ZNF469: variants seen among roughly 807,000 people sequenced by gnomAD.
ZNF469 encodes the protein zinc finger protein 469.
In ZNF469, 1 loss-of-function variant was observed where a neutral mutation model predicts 1.0. That is an observed-to-expected ratio of 1.00 (90% CI 0.35 to 4.73). ZNF469 has a LOEUF of 4.73. Ranked by LOEUF, ZNF469 falls within the 30% of genes most tolerant of loss-of-function variation. ZNF469 has a pLI of 0.16. For synonymous variants in ZNF469, 2,703 were observed against 2,363.4 expected, an observed-to-expected ratio of 1.14 and a Z score of -4.17; for missense variants, 6,100 against 5,356.3, an observed-to-expected ratio of 1.14 and a Z score of -4.33.
intron 1 of ZNF469, among the ~76,000 whole-genome samples, chr16:88,386,875 T>C (rs894181890): frequency 1.6e-4 from 20 of 126,332 alleles, no homozygotes; most frequent in African/African-American, 7.4e-4. Flanking sequence ...TCAGGGCCTG[T>C]TTCTTTGGCC....
chr16:88,168,876 G>A, the ZNF469 span, among the ~76,000 whole-genome samples: 2 of 152,142 alleles, frequency 1.3e-5, no homozygotes, highest in Non-Finnish European at 2.9e-5. This position sits in a 1 kb window ranked among gnomAD's most constrained non-coding sequence, Gnocchi z 4.3. Flanking sequence ...CGTGAGGATC[G>A]CTTGAGCCTA....
the ZNF469 span, among the ~76,000 whole-genome samples, chr16:88,205,079 T>C: frequency 1.3e-5 from 2 of 152,130 alleles, no homozygotes; most frequent in South Asian, 2.1e-4. The surrounding 1 kb of genome is among the most constrained non-coding windows in gnomAD (Gnocchi z 4.2). Context: ...TTCTGTGAGG[T>C]GCCCCTACCA....
At chr16:88,255,683 G>A in the ZNF469 span, among the ~76,000 whole-genome samples, 144,750 of 152,324 alleles carry the variant, frequency 0.95, 69,204 homozygotes, top group East Asian at 1. Flanking sequence ...TCAACAGTCC[G>A]AGACAGGTTT....
chr16:88,312,521 T>C, the ZNF469 span, among the ~76,000 whole-genome samples: 3 of 152,264 alleles, frequency 2.0e-5, no homozygotes, highest in African/African-American at 7.2e-5. Context: ...TTGTGTTGGC[T>C]TTAAGACCCT....
chr16:88,376,700 A>G, the ZNF469 span, among the ~76,000 whole-genome samples: 117 of 152,368 alleles, frequency 7.7e-4, no homozygotes, highest in Non-Finnish European at 1.5e-3. Context: ...GCCCCAGCAC[A>G]TTCACTGGGT....
chr16:88,365,617 T>G, the ZNF469 span, among the ~76,000 whole-genome samples: 4 of 152,226 alleles, frequency 2.6e-5, no homozygotes, highest in Non-Finnish European at 1.5e-5. Flanking sequence ...AGCCAAGCAC[T>G]GCCTTTTCTC....
At chr16:88,340,984 G>A in the ZNF469 span, among the ~76,000 whole-genome samples, 5 of 152,092 alleles carry the variant, frequency 3.3e-5, no homozygotes, top group Admixed American at 6.5e-5. Flanking sequence ...CGGGCAAAGC[G>A]GTCCAGGCTG....
the ZNF469 span, among the ~76,000 whole-genome samples, chr16:88,281,923 G>A: frequency 6.6e-6 from 1 of 152,238 alleles, no homozygotes. Context: ...CTGGATATTG[G>A]TGCACGGGTC....
At chr16:88,386,198 G>A (rs1040645241) in intron 1 of ZNF469, among the ~76,000 whole-genome samples, 11 of 152,104 alleles carry the variant, frequency 7.2e-5, no homozygotes, top group Non-Finnish European at 1.3e-4. Flanking sequence ...CCTGCAGGGT[G>A]GGGAGGAGAC....
At chr16:88,204,780 C>CA in the ZNF469 span, among the ~76,000 whole-genome samples, 6 of 152,242 alleles carry the variant, frequency 3.9e-5, no homozygotes, top group East Asian at 1.2e-3. Flanking sequence ...TGGAGTGGGG[C>CA]GTTCACTGGA....
chr16:88,388,366 G>A (rs1283364413), intron 1 of ZNF469, among the ~76,000 whole-genome samples: 1 of 152,242 alleles, frequency 6.6e-6, no homozygotes, highest in Non-Finnish European at 1.5e-5. Context: ...GCCAAACAGA[G>A]TCCACATTCA....
the ZNF469 span, among the ~76,000 whole-genome samples, chr16:88,307,268 G>A: frequency 1.6e-4 from 24 of 152,348 alleles, no homozygotes; most frequent in East Asian, 4.6e-3. Context: ...AGTGTGGGCT[G>A]TTTCCACTTT....
At chr16:88,223,905 C>G in the ZNF469 span, among the ~76,000 whole-genome samples, 5 of 152,222 alleles carry the variant, frequency 3.3e-5, no homozygotes, top group African/African-American at 1.2e-4. Context: ...CGCTCAGCAC[C>G]GCGTCCCGCC....
chr16:88,230,217 G>T, the ZNF469 span, among the ~76,000 whole-genome samples: 1 of 152,262 alleles, frequency 6.6e-6, no homozygotes, highest in Non-Finnish European at 1.5e-5. Context: ...AAGGAAGAGA[G>T]AACACAGCAG....
intron 1 of ZNF469, among the ~76,000 whole-genome samples, chr16:88,396,929 C>CTCAT (rs747449600): frequency 2.5e-4 from 33 of 133,586 alleles, no homozygotes; most frequent in Non-Finnish European, 2.9e-4. Flanking sequence ...GGAGGAGACC[C>CTCAT]GTCTGAAGGG....
At chr16:88,173,644 G>T in the ZNF469 span, among the ~76,000 whole-genome samples, 4 of 152,056 alleles carry the variant, frequency 2.6e-5, no homozygotes. Flanking sequence ...AATTTATTTT[G>T]GGGTTTATAG....
the ZNF469 span, among the ~76,000 whole-genome samples, chr16:88,264,320 C>T: frequency 1.1e-4 from 16 of 152,124 alleles, 1 homozygote; most frequent in South Asian, 1.2e-3. Context: ...TCAACTCCCA[C>T]GTATTCCTGG....
At chr16:88,216,900 C>T in the ZNF469 span, among the ~76,000 whole-genome samples, 1 of 151,886 alleles carries the variant, frequency 6.6e-6, no homozygotes, top group African/African-American at 2.4e-5. Flanking sequence ...CTGTCTTCTT[C>T]TTTGTCTAAT....
chr16:88,427,847 G>T lies in ZNF469; in HGVS notation c.377G>T (p.Ser126Ile). Reference protein sequence around the residue: ...PPQRYILGIASSRTKPTLDET... With the variant: ...PPQRYILGIAISRTKPTLDET... ...CAGCGCTACATTCTGGGCATCGCCAGCTCGAGGACCAAGCCCACCCTGGAC... is the reference window on the plus strand; with the variant it reads ...CAGCGCTACATTCTGGGCATCGCCATCTCGAGGACCAAGCCCACCCTGGAC... Residue 126 changes from serine to isoleucine, a missense_variant, in exon 3 of 3, where the codon AGC becomes ATC. Physicochemically the swap from Ser to Ile is moderately radical, Grantham distance 142. Transcript: ENST00000565624. The T allele has an allele frequency of 6.5e-7, 1 of 1,549,210 alleles. No individual in the cohort carries two copies.
Sources: allele counts gnomAD v4.1 joint callset (sites outside exome capture counted in the v4.1 genomes callset), GRCh38; gene constraint gnomAD v4.1.1; non-coding constraint Gnocchi (gnomAD v3.1); transcripts MANE v1.5; gene names NCBI Gene and HGNC (gene_info 2026-07-23, HGNC 2026-07-21).